Variants in TLK1 observed in about 807,000 individuals in gnomAD.
TLK1 encodes serine/threonine-protein kinase tousled-like 1.
TLK1 carries 24 observed loss-of-function variants against 105.3 expected under a neutral mutation model. That is an observed-to-expected ratio of 0.23 (90% CI 0.17 to 0.32). The LOEUF (loss-of-function observed/expected upper bound fraction) is 0.32, where lower values mean the gene tolerates loss of function less well. TLK1 is among the 10% of genes least tolerant of loss of function. The probability of loss-of-function intolerance (pLI) is 1.00; values close to 1 mark genes in which losing one functional copy is unlikely to be tolerated. For synonymous variants in TLK1, 321 were observed against 310.4 expected (o/e 1.03, Z -0.36); for missense variants, 558 against 910.5 (o/e 0.61, Z 4.98).
chr2:171,089,078 CG>C (rs1225499705), intron 2 of TLK1, among the ~76,000 whole-genome samples: 1 of 152,166 alleles, frequency 6.6e-6, no homozygotes, highest in Non-Finnish European at 1.5e-5. Flanking sequence ...GACAAGGTTT[CG>C]CCATGTTGGC....
chr2:171,164,784 T>A (rs1692576229), upstream of TLK1, among the ~76,000 whole-genome samples: 2 of 152,098 alleles, frequency 1.3e-5, no homozygotes, highest in South Asian at 4.1e-4. Context: ...CTCCACACCT[T>A]GAAATTTGCT....
At chr2:171,161,853 T>A (rs1351523197), upstream of TLK1, among the ~76,000 whole-genome samples, 1 of 146,490 alleles carries the variant, frequency 6.8e-6, no homozygotes, top group Non-Finnish European at 1.5e-5. Context: ...ATTGGGCTTC[T>A]TGTACATAAA....
At chr2:171,015,422 AC>A (rs1685130415) in intron 12 of TLK1, among the ~76,000 whole-genome samples, 1 of 38,028 alleles carries the variant, frequency 2.6e-5, no homozygotes, top group Admixed American at 3.1e-4. Context: ...ACAAACACAC[AC>A]ACACACACAC....
chr2:171,226,523 A>T (rs768460230), intron 1 of TLK1, among the ~76,000 whole-genome samples: 9 of 152,192 alleles, frequency 5.9e-5, no homozygotes, highest in Non-Finnish European at 1.2e-4. Flanking sequence ...TGAGGACTCC[A>T]TGTCACTGTA....
At chr2:171,092,089 T>C (rs1042612792) in intron 2 of TLK1, among the ~76,000 whole-genome samples, 10 of 152,104 alleles carry the variant, frequency 6.6e-5, no homozygotes, top group African/African-American at 2.4e-4. Flanking sequence ...GCAGTTTCTG[T>C]TGCTTCATCA....
At chr2:171,177,889 G>T (rs946580137) in intron 1 of TLK1, among the ~76,000 whole-genome samples, 2 of 152,074 alleles carry the variant, frequency 1.3e-5, no homozygotes, top group Admixed American at 6.5e-5. Flanking sequence ...TGCCTCCCGG[G>T]TTTAAGCGAT....
intron 1 of TLK1, among the ~76,000 whole-genome samples, chr2:171,135,722 A>C (rs1691290671): frequency 6.6e-6 from 1 of 152,014 alleles, no homozygotes; most frequent in Admixed American, 6.6e-5. Context: ...GAATCGCTTG[A>C]ACCCGGGAGG....
At chr2:171,212,198 A>G (rs940898615) in intron 1 of TLK1, among the ~76,000 whole-genome samples, 3 of 152,024 alleles carry the variant, frequency 2.0e-5, no homozygotes, top group Non-Finnish European at 4.4e-5. Flanking sequence ...ATCAATTAAC[A>G]TCTGCATAAG....
chr2:171,056,428 C>T lies in TLK1; in HGVS notation c.549+43G>A, dbSNP rs200989088. On this transcript the variant is annotated intron_variant, in intron 6 of 20. Coordinates refer to ENST00000431350, the MANE Select transcript of TLK1 (RefSeq NM_012290.5). Reference sequence around the variant, plus strand: ...TATAAAACTTATTCAGTGTACATAACCCTCCCAAAGACTACACATGAAAAA... The same window carrying T: ...TATAAAACTTATTCAGTGTACATAATCCTCCCAAAGACTACACATGAAAAA... 5 of 1,532,702 alleles carry T rather than the reference C, an allele frequency of 3.3e-6. No homozygotes were observed. The African/African-American group carries it at 4.1e-5, about 13-fold the overall frequency. The allele number at this position is 1,532,702 out of a possible 1,614,324, so 94.9% of individuals were successfully genotyped here. A position where few individuals can be genotyped will look rare whatever the true frequency, so the allele number is the denominator to read the frequency against.
rs1161903907 is a variant in TLK1 at position 170,991,762 on chromosome 2, G to C, written c.*2018C>G. 6.6e-6 allele frequency: 1 copy of C among 152,136 alleles called. No individual in the cohort carries two copies. The highest frequency in any genetic ancestry group is 1.5e-5 in the Non-Finnish European group (1 of 68,000). The allele number at this position is 152,136 out of a possible 1,614,324, so 9.4% of individuals were successfully genotyped here. ...TAAGCACAACAGGCATTTCCTTTTA[G>C]TTCAGGAATTTAAATGTTACTTTAT... On this transcript the variant is annotated 3_prime_UTR_variant, in exon 21 of 21. Transcript: ENST00000431350.
At chr2:171,099,499 CA>C (rs932493911) in intron 2 of TLK1, among the ~76,000 whole-genome samples, 13 of 152,010 alleles carry the variant, frequency 8.6e-5, no homozygotes, top group Non-Finnish European at 1.3e-4. Flanking sequence ...TTGAAATTGA[CA>C]AATTGATCAT....
chr2:171,204,825 G>C (rs957358244), intron 1 of TLK1, among the ~76,000 whole-genome samples: 10 of 152,064 alleles, frequency 6.6e-5, no homozygotes, highest in Non-Finnish European at 1.2e-4. Context: ...GGGCGTGGTG[G>C]CCGGTGCCTG....
intron 11 of TLK1, among the ~76,000 whole-genome samples, chr2:171,044,273 A>G (rs899792511): frequency 3.3e-5 from 5 of 152,186 alleles, no homozygotes; most frequent in Non-Finnish European, 5.9e-5. Flanking sequence ...ACAATAAAAA[A>G]TAAAAATAAA....
chr2:171,132,147 G>GTTC (rs1456604356), intron 1 of TLK1, among the ~76,000 whole-genome samples: 1 of 152,156 alleles, frequency 6.6e-6, no homozygotes, highest in East Asian at 1.9e-4. Flanking sequence ...TCATGGCTGA[G>GTTC]GAAGCCTCAG....
At chr2:171,053,717 A>G in intron 8 of TLK1, 44 bp downstream of exon 8, 1 of 1,459,942 alleles carries the variant, frequency 6.8e-7, no homozygotes, top group Non-Finnish European at 9.3e-7. Context: ...ACTGTTGCCA[A>G]ATAATTTATT....
intron 3 of TLK1, among the ~76,000 whole-genome samples, chr2:171,070,417 CCCA>C (rs1476637893): frequency 6.6e-6 from 1 of 151,976 alleles, no homozygotes; most frequent in Non-Finnish European, 1.5e-5. Flanking sequence ...ATTCCCCCTC[CCCA>C]CCACCACCAC....
At chr2:171,127,635 C>T (rs1024711477) in intron 1 of TLK1, among the ~76,000 whole-genome samples, 1 of 151,938 alleles carries the variant, frequency 6.6e-6, no homozygotes, top group Admixed American at 6.6e-5. Context: ...CTAATGATTT[C>T]AAATATTAAC....
chr2:171,021,453 T>C (rs1250764072), intron 12 of TLK1, among the ~76,000 whole-genome samples: 1 of 14,134 alleles, frequency 7.1e-5, no homozygotes, highest in Admixed American at 5.0e-4. Flanking sequence ...TTTTTTTTTT[T>C]TTTTTTTTTT....
chr2:171,177,690 TG>T (rs1232223017), intron 1 of TLK1, among the ~76,000 whole-genome samples: 1 of 152,224 alleles, frequency 6.6e-6, no homozygotes, highest in Non-Finnish European at 1.5e-5. Flanking sequence ...AGGTCCTTAC[TG>T]AATAAGGCCC....
Sources: allele counts gnomAD v4.1 joint callset (sites outside exome capture counted in the v4.1 genomes callset), GRCh38; gene constraint gnomAD v4.1.1; transcripts MANE v1.5; gene names NCBI Gene and HGNC (gene_info 2026-07-23, HGNC 2026-07-21).